The following ADGRV1 variants were observed in gnomAD, a reference collection of about 807,000 sequenced individuals.
ADGRV1 encodes the protein G-protein coupled receptor 98.
ADGRV1 carries 359 observed loss-of-function variants against 596.2 expected under a neutral mutation model. That is an observed-to-expected ratio of 0.60 (90% CI 0.55 to 0.66). ADGRV1 has a LOEUF of 0.66. Ranked by LOEUF, ADGRV1 falls within the 30% of genes least tolerant of loss-of-function variation. The probability of loss-of-function intolerance (pLI) is 0.00; values close to 1 mark genes in which losing one functional copy is unlikely to be tolerated. For synonymous variants in ADGRV1, 2,681 were observed against 2,679.2 expected, an observed-to-expected ratio of 1.00 and a Z score of -0.02; for missense variants, 7,274 against 7,575.6, an observed-to-expected ratio of 0.96 and a Z score of 1.48.
chr5:90,702,146 A>G (rs935712071), intron 34 of ADGRV1, among the ~76,000 whole-genome samples: 2 of 151,820 alleles, frequency 1.3e-5, no homozygotes, highest in African/African-American at 4.8e-5. Flanking sequence ...AAGAAATTCT[A>G]TATATTGTAC....
At chr5:90,814,848 A>C (rs1762753643) in intron 74 of ADGRV1, among the ~76,000 whole-genome samples, 1 of 152,204 alleles carries the variant, frequency 6.6e-6, no homozygotes, top group Non-Finnish European at 1.5e-5. Flanking sequence ...GGACCAATGC[A>C]AAACAGGGCC....
intron 82 of ADGRV1, 28 bp downstream of exon 82, chr5:90,855,929 G>A: frequency 6.5e-7 from 1 of 1,540,822 alleles, no homozygotes; most frequent in Non-Finnish European, 8.9e-7. Flanking sequence ...TGAATCAATG[G>A]TTATAAATAT....
chr5:90,682,857 A>G (rs889693168), intron 27 of ADGRV1, among the ~76,000 whole-genome samples: 71 of 152,356 alleles, frequency 4.7e-4, no homozygotes, highest in South Asian at 1.0e-3. Flanking sequence ...TGACAAAAGC[A>G]TATCTTCCTT....
At chr5:90,964,805 A>G (rs1378983453) in intron 83 of ADGRV1, among the ~76,000 whole-genome samples, 1 of 151,758 alleles carries the variant, frequency 6.6e-6, no homozygotes, top group Non-Finnish European at 1.5e-5. Context: ...AGAGAGAGTG[A>G]GAGAGAAGTA....
chr5:90,725,768 T>A (rs1751688917), intron 48 of ADGRV1, 112 bp downstream of exon 48: 3 of 644,306 alleles, frequency 4.7e-6, no homozygotes, highest in Non-Finnish European at 8.2e-6. Context: ...AAACCAAAAT[T>A]TGATTGTGGT....
intron 77 of ADGRV1, among the ~76,000 whole-genome samples, chr5:90,831,682 C>T (rs574425317): frequency 2.7e-4 from 41 of 152,014 alleles, no homozygotes; most frequent in African/African-American, 9.2e-4. Context: ...ATTTTTTGTA[C>T]TCATTAACCA....
chr5:90,887,932 T>A (rs1029301281), intron 83 of ADGRV1, among the ~76,000 whole-genome samples: 1 of 152,142 alleles, frequency 6.6e-6, no homozygotes, highest in African/African-American at 2.4e-5. Context: ...TTTTTTTCTT[T>A]TATGTGGAAA....
In ADGRV1 at chr5:91,031,046, G is replaced by A. The variant is rs536318961; in HGVS notation, c.18153-41401G>A. On this transcript the variant is annotated intron_variant, in intron 85 of 89. Coordinates refer to ENST00000405460, the MANE Select transcript of ADGRV1 (RefSeq NM_032119.4). ...GAAACCTTGACAAATGCCTGGTGGC[G>A]ATTGCAAATAACTGCCAATCATATA... 24 of 1,506,696 alleles carry A rather than the reference G, an allele frequency of 1.6e-5. No homozygotes were observed. In the East Asian group the frequency reaches 2.9e-4, roughly 18 times the overall value. The allele number at this position is 1,506,696 out of a possible 1,614,324, so 93.3% of individuals were successfully genotyped here.
intron 84 of ADGRV1, among the ~76,000 whole-genome samples, chr5:90,982,732 A>G (rs1372862171): frequency 1.0e-5 from 1 of 98,940 alleles, no homozygotes; most frequent in Non-Finnish European, 2.0e-5. Context: ...TTCAGTGTAG[A>G]TGATTGGCTC....
At chr5:90,690,682 T>C in intron 30 of ADGRV1, 115 bp from the exon 31 acceptor site, 2 of 1,063,264 alleles carry the variant, frequency 1.9e-6, no homozygotes, top group Non-Finnish European at 2.7e-6. Context: ...TTGTGGGTTA[T>C]AGCTACTTAG....
At chr5:90,940,099 T>G (rs1237044045) in intron 83 of ADGRV1, among the ~76,000 whole-genome samples, 2 of 152,238 alleles carry the variant, frequency 1.3e-5, no homozygotes, top group Non-Finnish European at 2.9e-5. Flanking sequence ...GAACTGTTCC[T>G]GTAAACAGCT....
At chr5:91,080,588 CAA>C (rs10696264) in intron 86 of ADGRV1, among the ~76,000 whole-genome samples, 23 of 84,464 alleles carry the variant, frequency 2.7e-4, no homozygotes, top group African/African-American at 7.4e-4. Context: ...GCACACCCTG[CAA>C]AAAAAAAAAA....
chr5:90,672,971 A>C, intron 22 of ADGRV1: 1 of 402,960 alleles, frequency 2.5e-6, no homozygotes, highest in Non-Finnish European at 4.4e-6. Context: ...ATTTTAAGTG[A>C]TTTCCTATGG....
At chr5:91,154,884 C>T (rs942179030) in intron 89 of ADGRV1, among the ~76,000 whole-genome samples, 1 of 152,160 alleles carries the variant, frequency 6.6e-6, no homozygotes, top group Non-Finnish European at 1.5e-5. Context: ...GATCCAGTTG[C>T]CTCCACGTGG....
At chr5:90,751,820 A>T (rs1755289386) in intron 53 of ADGRV1, among the ~76,000 whole-genome samples, 1 of 152,218 alleles carries the variant, frequency 6.6e-6, no homozygotes, top group Non-Finnish European at 1.5e-5. Context: ...TAAGAATGTT[A>T]TAGCAAATTC....
chr5:90,817,872 G>A (rs2150264644), intron 75 of ADGRV1, among the ~76,000 whole-genome samples: 1 of 152,230 alleles, frequency 6.6e-6, no homozygotes, highest in Non-Finnish European at 1.5e-5. Context: ...TGTTCTTTTG[G>A]CTTAGGATTG....
Position 90,694,123 on chromosome 5 carries a change from G to T in ADGRV1, c.7367G>T (p.Ser2456Ile). The change falls in exon 33 of 90, where the codon AGT (serine) becomes ATT (isoleucine). Residue 2456 changes from serine (S) to isoleucine (I), a missense_variant. Ser to Ile is a moderately radical substitution (Grantham distance 142). This residue lies in a region of ADGRV1 where 3,643 missense variants were observed against 3,809.2 expected (regional missense o/e 0.96). Coordinates refer to ENST00000405460, the MANE Select transcript of ADGRV1 (RefSeq NM_032119.4). Reference protein sequence around the residue: ...EQACSAFSFFSASEGPQCFWM... With the variant: ...EQACSAFSFFIASEGPQCFWM... ...GCTTGCTCAGCGTTTTCATTTTTCA[G>T]TGCTTCTGAGGGTCCCCAGTGTTTC... 2 of 1,613,776 alleles carry T rather than the reference G, an allele frequency of 1.2e-6. No homozygotes were observed. Among genetic ancestry groups the T allele is most frequent in the Non-Finnish European group, 1.7e-6 (2 of 1,179,814 alleles).
chr5:90,976,792 T>C (rs774673326), intron 84 of ADGRV1, among the ~76,000 whole-genome samples: 4 of 152,334 alleles, frequency 2.6e-5, no homozygotes, highest in African/African-American at 9.6e-5. Flanking sequence ...GCATCAGTTA[T>C]GAAAGATATA....
intron 75 of ADGRV1, among the ~76,000 whole-genome samples, chr5:90,816,603 T>G (rs994024285): frequency 7.2e-6 from 1 of 138,528 alleles, no homozygotes; most frequent in African/African-American, 2.7e-5. Flanking sequence ...GATGTTCCCC[T>G]TCCTGTGTCC....
Sources: allele counts gnomAD v4.1 joint callset (sites outside exome capture counted in the v4.1 genomes callset), GRCh38; gene constraint gnomAD v4.1.1; regional missense constraint gnomAD v4.1.1; transcripts MANE v1.5; gene names NCBI Gene and HGNC (gene_info 2026-07-23, HGNC 2026-07-21).